Variants in COL23A1 observed in about 807,000 individuals in gnomAD.
COL23A1 encodes collagen type XXIII alpha 1 chain.
Under a neutral mutation model 99.3 loss-of-function variants are expected in COL23A1, and 97 were observed. The ratio of observed to expected loss-of-function variants is 0.98; its 90% CI spans 0.83 to 1.16. The LOEUF (loss-of-function observed/expected upper bound fraction) is 1.16. Among genes scored for constraint, COL23A1 ranks in the 50% most tolerant of loss-of-function variants. The pLI, the probability that COL23A1 is intolerant of heterozygous loss-of-function variation, is 0.00. For synonymous variants in COL23A1, 320 were observed against 308.2 expected (o/e 1.04, Z -0.40); for missense variants, 762 against 757.4 (o/e 1.01, Z -0.07).
intron 2 of COL23A1, among the ~76,000 whole-genome samples, chr5:178,480,430 A>C (rs1757272879): frequency 6.6e-6 from 1 of 152,196 alleles, no homozygotes; most frequent in African/African-American, 2.4e-5. Context: ...TGCAGGGCCC[A>C]GTCTCCCAGA....
chr5:178,542,422 T>C (rs1761341966), intron 2 of COL23A1, among the ~76,000 whole-genome samples: 1 of 152,178 alleles, frequency 6.6e-6, no homozygotes, highest in African/African-American at 2.4e-5. Context: ...AAAGCTATAA[T>C]GGGTGGCAGA....
intron 2 of COL23A1, among the ~76,000 whole-genome samples, chr5:178,364,341 T>C (rs1481854406): frequency 7.7e-6 from 1 of 130,518 alleles, no homozygotes; most frequent in African/African-American, 2.8e-5. Flanking sequence ...GCCTCATTTC[T>C]AGGTTTTGAA....
At chr5:178,515,655 C>T (rs1253813962) in intron 2 of COL23A1, among the ~76,000 whole-genome samples, 2 of 152,180 alleles carry the variant, frequency 1.3e-5, no homozygotes, top group African/African-American at 2.4e-5. Context: ...CAGCTCGGAC[C>T]CCCGCTCCCC....
intron 2 of COL23A1, among the ~76,000 whole-genome samples, chr5:178,341,611 G>A (rs954324517): frequency 3.1e-4 from 47 of 152,220 alleles, no homozygotes; most frequent in African/African-American, 1.1e-3. Flanking sequence ...CTGGGTGGGT[G>A]AGGCTGGAAG....
At chr5:178,443,929 C>A (rs1194909777) in intron 2 of COL23A1, among the ~76,000 whole-genome samples, 3 of 152,132 alleles carry the variant, frequency 2.0e-5, no homozygotes, top group Non-Finnish European at 2.9e-5. Flanking sequence ...GGGCTGGGCA[C>A]AGAGGCTCAC....
intron 17 of COL23A1, among the ~76,000 whole-genome samples, chr5:178,252,167 G>A (rs1441821237): frequency 5.9e-5 from 9 of 151,688 alleles, no homozygotes; most frequent in African/African-American, 4.8e-5. Flanking sequence ...CACCTGCCTC[G>A]GCCTCCCAAA....
chr5:178,242,525 C>T (rs1248236798), intron 25 of COL23A1, 131 bp from the exon 26 acceptor site: 1 of 840,648 alleles, frequency 1.2e-6, no homozygotes, highest in East Asian at 2.6e-5. Context: ...ACACGCTGGC[C>T]TAGCCCTAGC....
At chr5:178,501,037 G>A (rs993824030) in intron 2 of COL23A1, among the ~76,000 whole-genome samples, 8 of 152,198 alleles carry the variant, frequency 5.3e-5, no homozygotes, top group African/African-American at 1.9e-4. Flanking sequence ...TTTCTAGGTA[G>A]ATGGAGTAGA....
chr5:178,312,302 C>G (rs771110910), intron 2 of COL23A1, among the ~76,000 whole-genome samples: 3 of 152,240 alleles, frequency 2.0e-5, no homozygotes, highest in Admixed American at 6.5e-5. Flanking sequence ...CCAGGTCTAG[C>G]ACAGGCCAGC....
In COL23A1 at chr5:178,347,206, C is replaced by G. The variant is rs189987871; in HGVS notation, c.362-40287G>C. ...ACCCACACGGAAACTGAAAGGTGGC[C>G]GTGGAACACCTGAAATATGACCAGT... On this transcript the variant is annotated intron_variant, in intron 2 of 28. Coordinates refer to ENST00000390654, the MANE Select transcript of COL23A1 (RefSeq NM_173465.4). Among the ~76,000 whole-genome samples the G allele has an allele frequency of 1.5e-3, 235 of 152,222 alleles. 2 individuals carry two copies. Among genetic ancestry groups the G allele is most frequent in the African/African-American group, 5.4e-3 (225 of 41,544 alleles).
chr5:178,368,066 A>G (rs1762587628), intron 2 of COL23A1, among the ~76,000 whole-genome samples: 2 of 152,228 alleles, frequency 1.3e-5, no homozygotes, highest in Admixed American at 1.3e-4. Context: ...GTGTGTGAGC[A>G]GAGCCTTGAA....
chr5:178,442,532 G>A (rs1561976059), intron 2 of COL23A1, among the ~76,000 whole-genome samples: 2 of 152,156 alleles, frequency 1.3e-5, no homozygotes, highest in African/African-American at 4.8e-5. Context: ...TGACAGCTGG[G>A]GTCCCAGTCT....
Position 178,517,558 on chromosome 5 carries a change from TTTTTTTTTTG to T in COL23A1, c.361+43114_361+43123del, listed in dbSNP as rs1581546575. 4.4e-4 allele frequency among the ~76,000 whole-genome samples: 7 copies of T among 15,874 alleles called. 1 individual carries two copies. The East Asian group carries it at 0.02, about 45-fold the overall frequency. The allele number at this position is 15,874 out of a possible 152,430, so 10.4% of individuals were successfully genotyped here. On this transcript the variant is annotated intron_variant, in intron 2 of 28. Transcript: ENST00000390654. ...GGGCTCAGACTCTCGGTGACAGCAG[TTTTTTTTTTG>T]TTTTTTTTTTTGAGATGGAGTCTCA...
intron 1 of COL23A1, among the ~76,000 whole-genome samples, chr5:178,574,911 G>A (rs1419427534): frequency 6.6e-6 from 1 of 152,330 alleles, no homozygotes; most frequent in Admixed American, 6.5e-5. Flanking sequence ...TGGCATGTGA[G>A]ATCAGTACTT....
chr5:178,345,580 G>A (rs1177535899), intron 2 of COL23A1, among the ~76,000 whole-genome samples: 4 of 151,334 alleles, frequency 2.6e-5, no homozygotes, highest in African/African-American at 7.3e-5. Context: ...GCAGTGGCGC[G>A]ATCTCGACTC....
intron 6 of COL23A1, among the ~76,000 whole-genome samples, chr5:178,269,846 T>A (rs997406397): frequency 6.6e-6 from 1 of 151,858 alleles, no homozygotes; most frequent in African/African-American, 2.4e-5. Context: ...GACTCACCCA[T>A]CCATCCATCC....
intron 21 of COL23A1, 102 bp from the exon 22 acceptor site, chr5:178,247,654 T>C: frequency 1.3e-6 from 2 of 1,564,166 alleles, no homozygotes; most frequent in Admixed American, 1.7e-5. Context: ...CCTCTGCCCA[T>C]GTGCCCCTCC....
intron 1 of COL23A1, among the ~76,000 whole-genome samples, chr5:178,584,720 G>A (rs570157521): frequency 6.6e-6 from 1 of 152,302 alleles, no homozygotes; most frequent in South Asian, 2.1e-4. Flanking sequence ...AGAAAGCCAA[G>A]GAGCTGGGGG....
Position 178,255,352 on chromosome 5 carries a change from C to T in COL23A1, c.883-326G>A, listed in dbSNP as rs1236493107. 6.6e-6 allele frequency among the ~76,000 whole-genome samples: 1 copy of T among 152,244 alleles called. No individual in the cohort carries two copies. The highest frequency in any genetic ancestry group is 1.5e-5 in the Non-Finnish European group (1 of 68,034). On this transcript the variant is annotated intron_variant, in intron 15 of 28. Transcript: ENST00000390654. This position sits in a 1 kb window ranked among gnomAD's most constrained non-coding sequence, Gnocchi z 4.2. ...CAGATTTTTCAATGTTGGCAACAAA[C>T]AGAAAAGCCCCAAACCCTCCAAAAC...
Sources: allele counts gnomAD v4.1 joint callset (sites outside exome capture counted in the v4.1 genomes callset), GRCh38; gene constraint gnomAD v4.1.1; non-coding constraint Gnocchi (gnomAD v3.1); transcripts MANE v1.5; gene names NCBI Gene and HGNC (gene_info 2026-07-23, HGNC 2026-07-21).